The following AP3B1 variants were observed in gnomAD, a reference collection of about 807,000 sequenced individuals.
AP3B1 encodes AP-3 complex subunit beta-1.
AP3B1 carries 61 observed loss-of-function variants against 132.5 expected under a neutral mutation model. That is an observed-to-expected ratio of 0.46 (90% CI 0.37 to 0.57). The LOEUF (loss-of-function observed/expected upper bound fraction) is 0.57. AP3B1 is among the 20% of genes least tolerant of loss of function. The probability of loss-of-function intolerance (pLI) is 0.00; values close to 1 mark genes in which losing one functional copy is unlikely to be tolerated. For synonymous variants in AP3B1, 388 were observed against 438.3 expected (o/e 0.89, Z 1.43); for missense variants, 1,120 against 1,289.4 (o/e 0.87, Z 2.01).
chr5:78,199,165 AG>A (rs1436310710), intron 7 of AP3B1, among the ~76,000 whole-genome samples: 1 of 152,238 alleles, frequency 6.6e-6, no homozygotes, highest in Admixed American at 6.5e-5. Flanking sequence ...ATGAAACTTC[AG>A]TGTTCAATTG....
At chr5:78,105,390 T>A in intron 20 of AP3B1, among the ~76,000 whole-genome samples, 1 of 152,172 alleles carries the variant, frequency 6.6e-6, no homozygotes, top group Non-Finnish European at 1.5e-5. Context: ...AAAAGCATTA[T>A]TTTAAATAAA....
At chr5:78,057,838 T>C (rs1748881922) in intron 22 of AP3B1, among the ~76,000 whole-genome samples, 1 of 152,212 alleles carries the variant, frequency 6.6e-6, no homozygotes, top group African/African-American at 2.4e-5. Flanking sequence ...ATCTTAACCA[T>C]ATTCCATTTG....
chr5:78,208,267 T>C lies in AP3B1; in HGVS notation c.786+7788A>G, dbSNP rs569005130. Among the ~76,000 whole-genome samples, 40 of 152,292 alleles carry C rather than the reference T, an allele frequency of 2.6e-4. No homozygotes were observed. In the South Asian group the frequency reaches 7.7e-3, roughly 29 times the overall value. On this transcript the variant is annotated intron_variant, in intron 7 of 26. Coordinates refer to ENST00000255194, the MANE Select transcript of AP3B1 (RefSeq NM_003664.5). ...ATCTCCTGGGAAGAAAATGAAGCTG[T>C]TGAAATACTTGATATACTTGACAAC...
chr5:78,121,408 T>C (rs1362651247), intron 17 of AP3B1, among the ~76,000 whole-genome samples: 1 of 152,186 alleles, frequency 6.6e-6, no homozygotes, highest in African/African-American at 2.4e-5. Flanking sequence ...ATCCAGGAGC[T>C]GCTTTTTTGA....
chr5:78,189,248 T>C (rs1227064084), intron 7 of AP3B1, among the ~76,000 whole-genome samples: 1 of 151,884 alleles, frequency 6.6e-6, no homozygotes, highest in South Asian at 2.1e-4. Context: ...TAAAATTATT[T>C]AAAAAAAAAT....
chr5:78,162,840 A>G lies in AP3B1; in HGVS notation c.1342T>C (p.Cys448Arg), dbSNP rs768670539. 3 of 1,614,072 alleles carry G rather than the reference A, an allele frequency of 1.9e-6. No homozygotes were observed. In the South Asian group the frequency reaches 3.3e-5, roughly 18 times the overall value. The stretch of plus-strand genomic sequence containing the variant: ...TTACCATCCCTGTTGGACAGCAGAC[A>G]GACCAAGCCATTGAGGCACGTGTCA... Reference protein sequence around the residue: ...VTDTCLNGLVCLLSNRDEIVV... With the variant: ...VTDTCLNGLVRLLSNRDEIVV... The change falls in exon 13 of 27, where the codon TGT becomes CGT. Residue 448 changes from cysteine to arginine, a missense_variant. This residue lies in a region of AP3B1 where 906 missense variants were observed against 997.1 expected (regional missense o/e 0.91). Transcript: ENST00000255194.
intron 9 of AP3B1, among the ~76,000 whole-genome samples, chr5:78,176,360 T>C (rs1370930565): frequency 6.6e-6 from 1 of 151,650 alleles, no homozygotes; most frequent in Non-Finnish European, 1.5e-5. Context: ...AAAAAAAGTA[T>C]TGAACTAGCA....
intron 19 of AP3B1, among the ~76,000 whole-genome samples, chr5:78,112,826 G>T (rs962963886): frequency 1.3e-5 from 2 of 152,146 alleles, no homozygotes; most frequent in African/African-American, 4.8e-5. Context: ...TTAATCTAAT[G>T]AAAAGAATTT....
intron 1 of AP3B1, among the ~76,000 whole-genome samples, chr5:78,280,468 G>C (rs1198260443): frequency 1.3e-5 from 2 of 152,104 alleles, no homozygotes; most frequent in Non-Finnish European, 2.9e-5. Flanking sequence ...ACTGCTATTG[G>C]CATGCCACAG....
At chr5:78,148,085 A>G (rs10071686) in intron 14 of AP3B1, among the ~76,000 whole-genome samples, 150,545 of 152,072 alleles carry the variant, frequency 0.99, 74,520 homozygotes, top group East Asian at 1. Flanking sequence ...TTTACACATC[A>G]AAAGTATCTT....
At chr5:78,291,596 G>A (rs1286575207) in intron 1 of AP3B1, among the ~76,000 whole-genome samples, 6 of 151,972 alleles carry the variant, frequency 3.9e-5, no homozygotes, top group Admixed American at 6.6e-5. Context: ...ATCTAAACAT[G>A]AGGAAACACC....
chr5:78,002,997 C>T lies in AP3B1; in HGVS notation c.3190G>A (p.Glu1064Lys), dbSNP rs767072786. The change falls in exon 27 of 27, where the codon GAA becomes AAA. Residue 1064 changes from glutamate to lysine, a missense_variant. Physicochemically the swap from Glu to Lys is moderately conservative, Grantham distance 56 (BLOSUM62 1). Coordinates refer to ENST00000255194, the MANE Select transcript of AP3B1 (RefSeq NM_003664.5). ...SLMLVTVELK[E>K]GSTAQLIINT... ...ATGATAAGCTGGGCTGTAGAGCCTT[C>T]CTTCAGTTCCACTGTGACTAGCATC... 7 of 1,614,090 alleles carry T rather than the reference C, an allele frequency of 4.3e-6. No homozygotes were observed. Among genetic ancestry groups the T allele is most frequent in the Non-Finnish European group, 5.9e-6 (7 of 1,180,042 alleles).
At chr5:78,279,845 A>G (rs1306535725) in intron 1 of AP3B1, among the ~76,000 whole-genome samples, 1 of 142,294 alleles carries the variant, frequency 7.0e-6, no homozygotes. Context: ...TATATATAGG[A>G]CTTAAATATA....
chr5:78,249,874 C>T (rs577917344), intron 2 of AP3B1, among the ~76,000 whole-genome samples: 4 of 152,112 alleles, frequency 2.6e-5, no homozygotes, highest in Non-Finnish European at 4.4e-5. Context: ...CCACCGTGTC[C>T]GGCCACAAAC....
At chr5:78,202,550 TCA>T (rs1491307864) in intron 7 of AP3B1, among the ~76,000 whole-genome samples, 36 of 104,036 alleles carry the variant, frequency 3.5e-4, no homozygotes, top group African/African-American at 1.4e-3. Flanking sequence ...TGCCATATAT[TCA>T]GTGTGTGTGT....
chr5:78,056,192 T>C (rs1194001062), intron 22 of AP3B1, among the ~76,000 whole-genome samples: 1 of 152,180 alleles, frequency 6.6e-6, no homozygotes, highest in Non-Finnish European at 1.5e-5. Context: ...GCATGGGGTA[T>C]GAGACCAGAT....
At chr5:78,235,998 C>T (rs1561493538) in intron 3 of AP3B1, among the ~76,000 whole-genome samples, 1 of 152,062 alleles carries the variant, frequency 6.6e-6, no homozygotes, top group Non-Finnish European at 1.5e-5. Flanking sequence ...TTTTAAGAAA[C>T]TTATGTCAGT....
At chr5:78,193,770 A>ATATATAT in intron 7 of AP3B1, among the ~76,000 whole-genome samples, 7 of 67,218 alleles carry the variant, frequency 1.0e-4, no homozygotes, top group Non-Finnish European at 1.9e-4. Flanking sequence ...ATATATATAT[A>ATATATAT]TTTTTTTTTT....
intron 2 of AP3B1, among the ~76,000 whole-genome samples, chr5:78,247,508 G>GT (rs1014030717): frequency 3.8e-4 from 56 of 145,484 alleles, no homozygotes; most frequent in Non-Finnish European, 3.8e-4. Flanking sequence ...GTTCTAACAG[G>GT]TTTTTTTTTT....
Sources: allele counts gnomAD v4.1 joint callset (sites outside exome capture counted in the v4.1 genomes callset), GRCh38; gene constraint gnomAD v4.1.1; regional missense constraint gnomAD v4.1.1; transcripts MANE v1.5; gene names NCBI Gene and HGNC (gene_info 2026-07-23, HGNC 2026-07-21).